The following HDAC9 variants were observed in gnomAD, a reference collection of about 807,000 sequenced individuals.
HDAC9 encodes histone deacetylase 9.
A neutral mutation model predicts 139.4 loss-of-function variants in HDAC9; 41 were observed. That is an observed-to-expected ratio of 0.29 (90% CI 0.23 to 0.38). HDAC9 has a LOEUF of 0.38. Among genes scored for constraint, HDAC9 ranks in the 10% least tolerant of loss-of-function variants. The pLI is 1.00. For missense variants in HDAC9, 1,147 were observed against 1,297.0 expected, an observed-to-expected ratio of 0.88 and a Z score of 1.78; for synonymous variants, 517 against 476.2, an observed-to-expected ratio of 1.09 and a Z score of -1.12.
intron 2 of HDAC9, among the ~76,000 whole-genome samples, chr7:18,558,197 A>C (rs1027276348): frequency 2.6e-5 from 4 of 152,206 alleles, no homozygotes; most frequent in Admixed American, 2.6e-4. Context: ...CTCATGTTTT[A>C]CATACTTTAT....
chr7:18,618,679 A>G (rs544286965), intron 6 of HDAC9, among the ~76,000 whole-genome samples: 1 of 148,234 alleles, frequency 6.7e-6, no homozygotes, highest in East Asian at 2.0e-4. Context: ...TTTTCATGCC[A>G]TTTCTATTTG....
chr7:18,741,035 C>T (rs563091574), intron 13 of HDAC9, among the ~76,000 whole-genome samples: 1 of 152,206 alleles, frequency 6.6e-6, no homozygotes, highest in East Asian at 1.9e-4. Context: ...GAGGTTGGCT[C>T]TTGAGGTTTA....
chr7:18,550,566 A>G (rs1816785588), intron 2 of HDAC9, among the ~76,000 whole-genome samples: 1 of 152,204 alleles, frequency 6.6e-6, no homozygotes, highest in Admixed American at 6.5e-5. Flanking sequence ...GAATAAAGAA[A>G]GAGTTAAGTA....
At chr7:18,989,522 A>G (rs1400494982) in intron 25 of HDAC9, among the ~76,000 whole-genome samples, 3 of 149,440 alleles carry the variant, frequency 2.0e-5, no homozygotes, top group African/African-American at 7.4e-5. Context: ...GAATCTGACA[A>G]TTATGTGTCT....
intron 22 of HDAC9, among the ~76,000 whole-genome samples, chr7:18,919,222 T>C (rs563143275): frequency 1.3e-5 from 2 of 152,168 alleles, no homozygotes; most frequent in African/African-American, 2.4e-5. Flanking sequence ...CTTATCGTGA[T>C]ACCTAAACTA....
intron 2 of HDAC9, among the ~76,000 whole-genome samples, chr7:18,258,705 A>T (rs1795443717): frequency 6.6e-6 from 1 of 152,210 alleles, no homozygotes; most frequent in Admixed American, 6.5e-5. Context: ...GGTCTATGTG[A>T]TACTAAATTC....
chr7:18,286,410 A>G (rs1797456259), upstream of HDAC9, among the ~76,000 whole-genome samples: 4 of 148,896 alleles, frequency 2.7e-5, no homozygotes, highest in African/African-American at 7.3e-5. Context: ...ATAATATTAT[A>G]TAATATGTAA....
chr7:18,149,382 G>T (rs1786584853), intron 1 of HDAC9, among the ~76,000 whole-genome samples: 1 of 146,506 alleles, frequency 6.8e-6, no homozygotes, highest in Non-Finnish European at 1.5e-5. Flanking sequence ...TAGAGTCAGG[G>T]TCTCACCGTG....
intron 2 of HDAC9, among the ~76,000 whole-genome samples, chr7:18,517,420 G>C (rs1803580075): frequency 6.6e-6 from 1 of 152,144 alleles, no homozygotes; most frequent in Non-Finnish European, 1.5e-5. Flanking sequence ...CCATGTTTGG[G>C]AATGAACGAA....
At chr7:18,836,660 T>A (rs760132181) in intron 21 of HDAC9, among the ~76,000 whole-genome samples, 18 of 152,084 alleles carry the variant, frequency 1.2e-4, no homozygotes, top group Admixed American at 2.6e-4. Context: ...AAAAAGCAAA[T>A]CAAAGGCTTC....
chr7:18,723,297 A>G (rs1240099983), intron 12 of HDAC9, among the ~76,000 whole-genome samples: 1 of 152,192 alleles, frequency 6.6e-6, no homozygotes, highest in African/African-American at 2.4e-5. Flanking sequence ...TATGTGTGAA[A>G]CACTGCATGG....
chr7:18,739,397 T>C (rs1239500096), intron 13 of HDAC9, among the ~76,000 whole-genome samples: 1 of 152,216 alleles, frequency 6.6e-6, no homozygotes, highest in Non-Finnish European at 1.5e-5. Context: ...ATCTTTGTGG[T>C]TTTATCTACC....
chr7:18,844,494 A>G (rs1796785238), intron 21 of HDAC9, among the ~76,000 whole-genome samples: 1 of 152,226 alleles, frequency 6.6e-6, no homozygotes. Context: ...CAAGAAAATA[A>G]CATGTACACA....
intron 13 of HDAC9, among the ~76,000 whole-genome samples, chr7:18,747,344 C>A (rs1178162): frequency 0.29 from 43,941 of 151,964 alleles, 7,311 homozygotes; most frequent in East Asian, 0.65. Context: ...GAGATAATAA[C>A]ACCTTGGATT....
In HDAC9 at chr7:18,487,657, G is replaced by C. The variant is rs1375767169; in HGVS notation, c.-41-8605G>C. 2.0e-5 allele frequency among the ~76,000 whole-genome samples: 3 copies of C among 152,020 alleles called. No homozygotes were observed. In the East Asian group the frequency reaches 5.8e-4, roughly 29 times the overall value. On this transcript the variant is annotated intron_variant, in intron 1 of 3. Coordinates refer to the HDAC9 transcript ENST00000413509. ...GAAACATAAGTAAAATATGTTTTAG[G>C]TACTTGCTATTTCTTAAATTCAATA...
intron 1 of HDAC9, chr7:18,458,789 C>T (rs1344849903): frequency 1.6e-6 from 2 of 1,273,772 alleles, no homozygotes; most frequent in African/African-American, 3.0e-5. Flanking sequence ...CTTGTCACTC[C>T]AACTCCCATG....
chr7:18,110,434 A>G (rs1246000204), intron 1 of HDAC9, among the ~76,000 whole-genome samples: 1 of 152,224 alleles, frequency 6.6e-6, no homozygotes, highest in African/African-American at 2.4e-5. Context: ...CTTGAATACC[A>G]CATGAACAAT....
At chr7:18,261,302 T>G (rs1430066188) in intron 2 of HDAC9, among the ~76,000 whole-genome samples, 1 of 152,120 alleles carries the variant, frequency 6.6e-6, no homozygotes, top group Admixed American at 6.6e-5. Flanking sequence ...AGCAAGACCC[T>G]GTCTCCAAAA....
intron 1 of HDAC9, among the ~76,000 whole-genome samples, chr7:18,291,135 T>G (rs1213430088): frequency 6.6e-6 from 1 of 152,134 alleles, no homozygotes; most frequent in Non-Finnish European, 1.5e-5. Flanking sequence ...ATATGCCTAT[T>G]GTGAACATTA....
Sources: gnomAD v4.1 joint callset for allele counts (sites outside exome capture counted in the v4.1 genomes callset) on GRCh38, gnomAD v4.1.1 for gene constraint, MANE v1.5 for transcripts, NCBI Gene and HGNC (gene_info 2026-07-23, HGNC 2026-07-21) for gene names.